The following MAP4 variants were observed in gnomAD, a reference collection of about 807,000 sequenced individuals.
MAP4 encodes microtubule-associated protein 4.
MAP4 carries 76 observed loss-of-function variants against 170.2 expected under a neutral mutation model. The observed-to-expected ratio is 0.45, with a 90% CI of 0.37 to 0.54. The LOEUF (loss-of-function observed/expected upper bound fraction) is 0.54. Ranked by LOEUF, MAP4 falls within the 20% of genes least tolerant of loss-of-function variation. The pLI, the probability that MAP4 is intolerant of heterozygous loss-of-function variation, is 0.00. For missense variants in MAP4, 2,506 were observed against 2,748.0 expected, an observed-to-expected ratio of 0.91 and a Z score of 1.97; for synonymous variants, 909 against 994.5, an observed-to-expected ratio of 0.91 and a Z score of 1.62.
intron 1 of MAP4, among the ~76,000 whole-genome samples, chr3:48,046,908 C>T (rs975718100): frequency 2.0e-5 from 3 of 151,972 alleles, no homozygotes; most frequent in African/African-American, 7.3e-5. Flanking sequence ...TCCTGGTTAA[C>T]ACGGTTAAAC....
At chr3:48,019,795 C>T (rs964685400), upstream of MAP4, among the ~76,000 whole-genome samples, 9 of 152,266 alleles carry the variant, frequency 5.9e-5, no homozygotes, top group South Asian at 1.2e-3. Flanking sequence ...CGGATCACTT[C>T]AGCAGAGGAA....
intron 1 of MAP4, among the ~76,000 whole-genome samples, chr3:48,008,945 G>GCGGATTGATTATA (rs2100103837): frequency 6.6e-6 from 1 of 152,184 alleles, no homozygotes; most frequent in Admixed American, 6.5e-5. Flanking sequence ...CTACCTGGTG[G>GCGGATTGATTATA]CGGATTGATT....
Position 47,875,855 on chromosome 3 carries a change from T to C in MAP4, c.5587A>G (p.Lys1863Glu). The stretch of plus-strand genomic sequence containing the variant: ...TTAGGGAGAGAAGTGGGCTGTGTTT[T>C]GGCTTTCGATGTTGAAGTCTTTGCA... The part of the protein sequence containing the change: ...QPAKTSTSKA[K>E]TQPTSLPKQP... Residue 1863 changes from lysine (K) to glutamate (E), a missense_variant, in exon 12 of 21, where the codon AAA (lysine) becomes GAA (glutamate). This residue lies in a region of MAP4 where 2,008 missense variants were observed against 2,206.0 expected (regional missense o/e 0.91). Transcript: ENST00000683076. The C allele has an allele frequency of 6.2e-7, 1 of 1,613,302 alleles. No individual in the cohort carries two copies. The highest frequency in any genetic ancestry group is 1.1e-5 in the South Asian group (1 of 90,940).
At chr3:47,914,027 C>G (rs2100037296) in intron 8 of MAP4, among the ~76,000 whole-genome samples, 1 of 152,036 alleles carries the variant, frequency 6.6e-6, no homozygotes, top group African/African-American at 2.4e-5. Flanking sequence ...ATTACAAAGG[C>G]CTAAGGTAGA....
chr3:47,927,062 G>C (rs148327723), intron 4 of MAP4, among the ~76,000 whole-genome samples: 6,571 of 151,620 alleles, frequency 0.043, 475 homozygotes, highest in African/African-American at 0.15. Context: ...GGGAGGCTGA[G>C]GCAGGAGAAT....
intron 1 of MAP4, among the ~76,000 whole-genome samples, chr3:48,062,507 A>C (rs2100136253): frequency 6.7e-6 from 1 of 150,096 alleles, no homozygotes; most frequent in African/African-American, 2.4e-5. Flanking sequence ...AAAAAAAAAA[A>C]AAAAAAAAAA....
chr3:47,996,462 C>T lies in MAP4; in HGVS notation c.223+2176G>A, dbSNP rs183367997. 3.7e-4 allele frequency among the ~76,000 whole-genome samples: 56 copies of T among 152,242 alleles called. 2 individuals carry two copies. The East Asian group carries it at 9.4e-3, about 26-fold the overall frequency. Reference sequence around the variant, plus strand: ...GAGAAAAGAGCATGGACAAGGACCCCTCTGAGGCACGGGTACACAGGGAAG... The same window carrying T: ...GAGAAAAGAGCATGGACAAGGACCCTTCTGAGGCACGGGTACACAGGGAAG... On this transcript the variant is annotated intron_variant, in intron 2 of 20. Coordinates refer to ENST00000683076, the MANE Select transcript of MAP4 (RefSeq NM_001385682.1).
chr3:47,860,387 T>A (rs2063594920), intron 17 of MAP4, among the ~76,000 whole-genome samples: 1 of 152,138 alleles, frequency 6.6e-6, no homozygotes, highest in African/African-American at 2.4e-5. Context: ...AGAGAAGGGG[T>A]TTCGCCAAGT....
chr3:48,045,253 A>G (rs1404156757), intron 1 of MAP4, among the ~76,000 whole-genome samples: 26 of 107,596 alleles, frequency 2.4e-4, no homozygotes, highest in Non-Finnish European at 4.1e-4. Context: ...AGTGAGACTC[A>G]GTCTCAAAAA....
intron 10 of MAP4, among the ~76,000 whole-genome samples, chr3:47,890,393 C>T (rs909311954): frequency 5.9e-5 from 9 of 152,232 alleles, no homozygotes; most frequent in African/African-American, 1.9e-4. Context: ...AAAGAGAAAA[C>T]TAGAAGCAAG....
intron 1 of MAP4, among the ~76,000 whole-genome samples, chr3:48,063,762 G>T (rs563708374): frequency 3.9e-5 from 6 of 152,158 alleles, no homozygotes; most frequent in Non-Finnish European, 7.3e-5. Context: ...GCTATATACT[G>T]TATAATTCTA....
At chr3:48,060,709 T>A (rs1364762451) in intron 1 of MAP4, among the ~76,000 whole-genome samples, 7 of 149,964 alleles carry the variant, frequency 4.7e-5, no homozygotes, top group Non-Finnish European at 8.9e-5. Context: ...AGCCCAGGAG[T>A]TCAAGACCAG....
intron 5 of MAP4, among the ~76,000 whole-genome samples, chr3:47,919,177 C>A (rs556194772): frequency 6.6e-6 from 1 of 152,094 alleles, no homozygotes; most frequent in Non-Finnish European, 1.5e-5. Context: ...TTGATCCAAC[C>A]GCCTCGGCCT....
chr3:47,949,204 G>A (rs1172583578), intron 3 of MAP4, among the ~76,000 whole-genome samples: 2 of 152,046 alleles, frequency 1.3e-5, no homozygotes, highest in Non-Finnish European at 2.9e-5. Flanking sequence ...GGTGGCTCAC[G>A]CCTGTAATCC....
chr3:48,051,660 C>A (rs1332354966), intron 1 of MAP4, among the ~76,000 whole-genome samples: 2 of 152,102 alleles, frequency 1.3e-5, no homozygotes, highest in Non-Finnish European at 2.9e-5. Flanking sequence ...AACTAAGAAT[C>A]ATTTTAGTTC....
At position 47,909,585 on chromosome 3, in the gene MAP4, CTCTT is replaced by C. The variant is rs1299841926; in HGVS notation, c.4832_4835del (p.Lys1611ArgfsTer41). On this transcript the variant is annotated frameshift_variant, in exon 9 of 21. Coordinates refer to ENST00000683076, the MANE Select transcript of MAP4 (RefSeq NM_001385682.1). LOFTEE classifies it high-confidence loss of function. The stretch of plus-strand genomic sequence containing the variant: ...GAACTGCAACAGACCCTTCTTTAGT[CTCTT>C]TCTCTTCATTCACTGGATGTGCTGG... The C allele has an allele frequency of 3.1e-6, 5 of 1,612,984 alleles. No homozygotes were observed. The highest frequency in any genetic ancestry group is 4.2e-6 in the Non-Finnish European group (5 of 1,179,894).
At chr3:47,885,916 G>A (rs1186761297) in intron 10 of MAP4, among the ~76,000 whole-genome samples, 1 of 152,162 alleles carries the variant, frequency 6.6e-6, no homozygotes, top group Non-Finnish European at 1.5e-5. Flanking sequence ...TTTTAGTAGA[G>A]TTGGGGTTTC....
chr3:48,002,825 C>T (rs888557923), intron 1 of MAP4, among the ~76,000 whole-genome samples: 1 of 140,190 alleles, frequency 7.1e-6, no homozygotes, highest in Non-Finnish European at 1.5e-5. Context: ...TGCAGTGAGC[C>T]GAGATTGCAC....
chr3:47,892,671 G>T (rs545670921), intron 10 of MAP4: 2 of 1,371,260 alleles, frequency 1.5e-6, no homozygotes, highest in Non-Finnish European at 1.9e-6. Context: ...AAATGTGAAA[G>T]AAAGAAAGAA....
Sources: gnomAD v4.1 joint callset for allele counts (sites outside exome capture counted in the v4.1 genomes callset) on GRCh38, gnomAD v4.1.1 for gene constraint, gnomAD v4.1.1 regional missense constraint, MANE v1.5 for transcripts, NCBI Gene and HGNC (gene_info 2026-07-23, HGNC 2026-07-21) for gene names.